The following PTPRT variants were observed in gnomAD, a reference collection of about 807,000 sequenced individuals.
The protein encoded by PTPRT is protein tyrosine phosphatase receptor type T.
In PTPRT, 56 loss-of-function variants were observed where a neutral mutation model predicts 176.8. The ratio of observed to expected loss-of-function variants is 0.32; its 90% CI spans 0.26 to 0.40. The LOEUF (loss-of-function observed/expected upper bound fraction) is 0.40. PTPRT is among the 10% of genes least tolerant of loss of function. The pLI, the probability that PTPRT is intolerant of heterozygous loss-of-function variation, is 1.00. For synonymous variants in PTPRT, 783 were observed against 739.0 expected, an observed-to-expected ratio of 1.06 and a Z score of -0.96; for missense variants, 1,540 against 1,908.2, an observed-to-expected ratio of 0.81 and a Z score of 3.60.
At chr20:42,916,705 C>G (rs199545951) in intron 1 of PTPRT, among the ~76,000 whole-genome samples, 2 of 152,218 alleles carry the variant, frequency 1.3e-5, no homozygotes, top group Admixed American at 1.3e-4. Context: ...TTGCATTTCT[C>G]TGATGGCCAG....
intron 7 of PTPRT, among the ~76,000 whole-genome samples, chr20:42,594,465 A>G (rs879104680): frequency 2.0e-5 from 3 of 152,230 alleles, no homozygotes; most frequent in Admixed American, 2.0e-4. Flanking sequence ...TGTTGCCAAT[A>G]TCAATGAATA....
intron 2 of PTPRT, among the ~76,000 whole-genome samples, chr20:42,848,251 G>C (rs563682033): frequency 6.6e-6 from 1 of 152,130 alleles, no homozygotes; most frequent in Admixed American, 6.5e-5. Context: ...TTTAGGGCTG[G>C]TTTCCTATTT....
At chr20:42,714,464 G>T (rs1307251026) in intron 6 of PTPRT, among the ~76,000 whole-genome samples, 2 of 152,150 alleles carry the variant, frequency 1.3e-5, no homozygotes, top group African/African-American at 4.8e-5. Flanking sequence ...ATACAATTCT[G>T]CCTGGACAGA....
chr20:42,501,120 C>A (rs2071743793), intron 7 of PTPRT, among the ~76,000 whole-genome samples: 1 of 152,126 alleles, frequency 6.6e-6, no homozygotes, highest in Non-Finnish European at 1.5e-5. Flanking sequence ...CCGTCACTAA[C>A]CCCCACAAGG....
At chr20:42,792,087 C>T (rs2077384506) in intron 2 of PTPRT, among the ~76,000 whole-genome samples, 1 of 152,154 alleles carries the variant, frequency 6.6e-6, no homozygotes. Flanking sequence ...AAGGATGTGC[C>T]CCCAGTAGCT....
In PTPRT at chr20:43,152,574, T is replaced by C. The variant is rs1256398744; in HGVS notation, c.88+37072A>G. On this transcript the variant is annotated intron_variant, in intron 1 of 30. Transcript: ENST00000373187. ...TCTGAGCAGCAAGGTCCTCAGCACA[T>C]AGTAGCTACCTAATAAACATTTATA... 2.0e-5 allele frequency among the ~76,000 whole-genome samples: 3 copies of C among 152,176 alleles called. No individual in the cohort carries two copies. The East Asian group carries it at 5.8e-4, about 29-fold the overall frequency.
intron 1 of PTPRT, among the ~76,000 whole-genome samples, chr20:43,001,406 T>A (rs866719918): frequency 8.0e-4 from 122 of 152,038 alleles, no homozygotes; most frequent in African/African-American, 2.4e-3. Context: ...ATTTAAAAAA[T>A]TTTTTAACCT....
intron 1 of PTPRT, among the ~76,000 whole-genome samples, chr20:43,174,709 T>A (rs751770032): frequency 1.5e-4 from 23 of 152,318 alleles, no homozygotes; most frequent in South Asian, 6.2e-4. Flanking sequence ...TATTCGAATG[T>A]GGACAGTTCT....
intron 2 of PTPRT, among the ~76,000 whole-genome samples, chr20:42,880,980 G>A (rs182477334): frequency 1.1e-4 from 17 of 152,348 alleles, no homozygotes; most frequent in Admixed American, 1.0e-3. Context: ...TCCTGGACTT[G>A]AAAAGCCTCT....
chr20:42,455,856 A>G (rs2070913158), intron 8 of PTPRT, among the ~76,000 whole-genome samples: 1 of 152,082 alleles, frequency 6.6e-6, no homozygotes, highest in Non-Finnish European at 1.5e-5. Context: ...GCTATCTGGT[A>G]AAGTCTACTA....
intron 1 of PTPRT, among the ~76,000 whole-genome samples, chr20:43,069,772 G>C (rs1335872325): frequency 6.6e-6 from 1 of 152,162 alleles, no homozygotes; most frequent in Non-Finnish European, 1.5e-5. Context: ...GAGTCCCTCA[G>C]CTTCTTGGGA....
intron 16 of PTPRT, among the ~76,000 whole-genome samples, chr20:42,187,249 TG>T (rs1174849945): frequency 2.6e-5 from 4 of 152,152 alleles, no homozygotes; most frequent in African/African-American, 9.7e-5. Flanking sequence ...ATGCTACTAA[TG>T]GTTATTATTT....
Position 42,474,284 on chromosome 20 carries a change from C to T in PTPRT, c.1154-1722G>A, listed in dbSNP as rs62204906. ...GGGTAAGGCTACCTCTGCACCAATG[C>T]AGCAATAAGAAAGAGGGGATGCTAT... On this transcript the variant is annotated intron_variant, in intron 7 of 30. Transcript: ENST00000373187. Among the ~76,000 whole-genome samples, 1,205 of 152,274 alleles carry T rather than the reference C, an allele frequency of 7.9e-3. 11 individuals carry two copies. Among genetic ancestry groups the T allele is most frequent in the Middle Eastern group, 0.014 (4 of 294 alleles).
intron 13 of PTPRT, among the ~76,000 whole-genome samples, chr20:42,249,669 C>T (rs2056517281): frequency 1.3e-5 from 2 of 152,198 alleles, no homozygotes; most frequent in Admixed American, 6.5e-5. Context: ...CACAGGTTTC[C>T]TGATTCCAAT....
chr20:42,883,890 A>G (rs2079061138), intron 2 of PTPRT, among the ~76,000 whole-genome samples: 1 of 137,020 alleles, frequency 7.3e-6, no homozygotes, highest in Non-Finnish European at 1.5e-5. Context: ...ACACCAATAC[A>G]CCCCCATACA....
At chr20:42,704,321 C>T (rs1282889871) in intron 6 of PTPRT, among the ~76,000 whole-genome samples, 1 of 151,916 alleles carries the variant, frequency 6.6e-6, no homozygotes, top group African/African-American at 2.4e-5. Flanking sequence ...GCCGAGACAC[C>T]CCATGGTTCT....
At chr20:42,465,079 T>G (rs1389790703) in intron 8 of PTPRT, among the ~76,000 whole-genome samples, 1 of 151,946 alleles carries the variant, frequency 6.6e-6, no homozygotes, top group Non-Finnish European at 1.5e-5. Context: ...AGTTATTAAT[T>G]ATAATCAATT....
At chr20:42,318,248 A>G (rs1299610483) in intron 11 of PTPRT, among the ~76,000 whole-genome samples, 1 of 152,202 alleles carries the variant, frequency 6.6e-6, no homozygotes, top group African/African-American at 2.4e-5. Flanking sequence ...CAACTGTACA[A>G]TTCCTATGTT....
chr20:42,179,083 T>C (rs1438088788), intron 16 of PTPRT, among the ~76,000 whole-genome samples: 5 of 152,208 alleles, frequency 3.3e-5, no homozygotes, highest in African/African-American at 2.4e-5. Context: ...GCAGGGATCA[T>C]TGGGGCCATC....
Sources: gnomAD v4.1 joint callset for allele counts (sites outside exome capture counted in the v4.1 genomes callset) on GRCh38, gnomAD v4.1.1 for gene constraint, MANE v1.5 for transcripts, NCBI Gene and HGNC (gene_info 2026-07-23, HGNC 2026-07-21) for gene names.